ZNF136: variants seen among roughly 807,000 people sequenced by gnomAD.
ZNF136 encodes the protein zinc finger protein 136 (clone pHZ-20).
ZNF136 carries 8 observed loss-of-function variants against 11.4 expected under a neutral mutation model. The ratio of observed to expected loss-of-function variants is 0.70; its 90% CI spans 0.41 to 1.27. ZNF136 has a LOEUF of 1.27. ZNF136 is among the 50% of genes most tolerant of loss of function. The pLI is 0.01. For missense variants in ZNF136, 590 were observed against 656.5 expected (o/e 0.90, Z 1.11); for synonymous variants, 190 against 207.1 (o/e 0.92, Z 0.71).
At chr19:12,181,960 T>TG (rs1304648088) in intron 1 of ZNF136, among the ~76,000 whole-genome samples, 1 of 151,934 alleles carries the variant, frequency 6.6e-6, no homozygotes. Context: ...TTAGTAGAGA[T>TG]GGGGTCTCAC....
In ZNF136 at chr19:12,186,957, T is replaced by C; in HGVS notation, c.579T>C (p.Tyr193=). 1 of 1,614,092 alleles carries C rather than the reference T, an allele frequency of 6.2e-7. No homozygotes were observed. Among genetic ancestry groups the C allele is most frequent in the South Asian group, 1.1e-5 (1 of 91,078 alleles). Residue 193 remains tyrosine (Y), a synonymous_variant, in exon 4 of 4, where the codon TAT becomes TAC. Transcript: ENST00000343979. ...GACACATCATCACACACAGTGGATA[T>C]ACACCATATAAATGTAAGGTGTGTG... ...IRRHIITHSG[Y]TPYKCKVCGK...
In ZNF136 at chr19:12,187,405, A is replaced by G. The variant is rs200631502; in HGVS notation, c.1027A>G (p.Lys343Glu). ...EKPFVCKQCG[K>E]AFRSASTFQI... Reference sequence around the variant, plus strand: ...ACCCTTCGTATGTAAACAATGTGGTAAAGCCTTTAGATCTGCCAGTACCTT... The same window carrying G: ...ACCCTTCGTATGTAAACAATGTGGTGAAGCCTTTAGATCTGCCAGTACCTT... Residue 343 changes from lysine to glutamate, a missense_variant, in exon 4 of 4, where the codon AAA (lysine) becomes GAA (glutamate). Transcript: ENST00000343979. 1.2e-6 allele frequency: 2 copies of G among 1,614,110 alleles called. No homozygotes were observed. The highest frequency in any genetic ancestry group is 1.1e-5 in the South Asian group (1 of 91,078).
Position 12,163,109 on chromosome 19 carries a change from GCCCAGAGT to G in ZNF136, c.-94_-87del. On this transcript the variant is annotated 5_prime_UTR_variant, in exon 1 of 4. Transcript: ENST00000343979. ...TGGTTTCGCTTCGCTAGTCCCAGAG[GCCCAGAGT>G]GGCTCGCCTGGAGTCTCTGTGGCGC... is the stretch of plus-strand genomic sequence containing the variant. The G allele has an allele frequency of 7.5e-7, 1 of 1,334,372 alleles. No homozygotes were observed. Among genetic ancestry groups the G allele is most frequent in the Non-Finnish European group, 9.8e-7 (1 of 1,022,784 alleles). 82.7% of individuals were successfully genotyped at this position (1,334,372 alleles called of 1,614,324 possible). A position where few individuals can be genotyped will look rare whatever the true frequency, so the allele number is the denominator to read the frequency against.
chr19:12,168,401 G>C (rs901044533), intron 1 of ZNF136, among the ~76,000 whole-genome samples: 2 of 151,996 alleles, frequency 1.3e-5, no homozygotes, highest in Non-Finnish European at 2.9e-5. Flanking sequence ...CACAGTAAAG[G>C]GGGAGAGGCT....
At chr19:12,179,864 A>G (rs1444357214) in intron 1 of ZNF136, among the ~76,000 whole-genome samples, 1 of 151,888 alleles carries the variant, frequency 6.6e-6, no homozygotes, top group African/African-American at 2.4e-5. Context: ...AATTCTAACT[A>G]TTGATAATTT....
Position 12,179,316 on chromosome 19 carries a change from T to C in ZNF136, c.4-6469T>C, listed in dbSNP as rs1171409856. On this transcript the variant is annotated intron_variant, in intron 1 of 3. Transcript: ENST00000343979. Reference sequence around the variant, plus strand: ...TCAAAAGAATTTCTTTTTTTTTTTTTCTTTTTTTTTTGAGATGGAGTCTCA... The same window carrying C: ...TCAAAAGAATTTCTTTTTTTTTTTTCCTTTTTTTTTTGAGATGGAGTCTCA... Among the ~76,000 whole-genome samples the C allele has an allele frequency of 2.6e-5, 4 of 151,542 alleles. 1 individual carries two copies. In the South Asian group the frequency reaches 6.3e-4, roughly 24 times the overall value.
At chr19:12,180,847 C>T (rs950957142) in intron 1 of ZNF136, among the ~76,000 whole-genome samples, 2 of 152,186 alleles carry the variant, frequency 1.3e-5, no homozygotes, top group African/African-American at 4.8e-5. Context: ...TATCTGGAAC[C>T]TGGAGGAAGG....
chr19:12,167,570 AAAGAT>A (rs1225198072), intron 1 of ZNF136, among the ~76,000 whole-genome samples: 5 of 152,320 alleles, frequency 3.3e-5, no homozygotes, highest in Non-Finnish European at 5.9e-5. Flanking sequence ...AAAAAAAAGA[AAAGAT>A]AAGACCGGGT....
At chr19:12,163,274 T>A in intron 1 of ZNF136, 68 bp downstream of exon 1, 1 of 1,343,246 alleles carries the variant, frequency 7.4e-7, no homozygotes, top group Non-Finnish European at 9.6e-7. Flanking sequence ...GAACTGGCTG[T>A]GGCGCGGCCC....
rs958196675 is a variant in ZNF136, at chr19:12,189,292, A to G, written c.*1291A>G. On this transcript the variant is annotated 3_prime_UTR_variant, in exon 4 of 4. Coordinates refer to ENST00000343979, the MANE Select transcript of ZNF136 (RefSeq NM_003437.5). ...GTTCTTGATTCCCTTTCCACATTAT[A>G]TACATTCCATCATATTTATTGGAAC... 10 of 152,094 alleles carry G rather than the reference A, an allele frequency of 6.6e-5. No individual in the cohort carries two copies. The highest frequency in any genetic ancestry group is 2.4e-4 in the African/African-American group (10 of 41,422). 9.4% of individuals were successfully genotyped at this position (152,094 alleles called of 1,614,324 possible).
Position 12,187,651 on chromosome 19 carries a change from T to A in ZNF136, c.1273T>A (p.Cys425Ser). The A allele has an allele frequency of 6.2e-7, 1 of 1,614,114 alleles. No individual in the cohort carries two copies. Among genetic ancestry groups the A allele is most frequent in the Non-Finnish European group, 8.5e-7 (1 of 1,180,018 alleles). Residue 425 changes from cysteine to serine, a missense_variant, in exon 4 of 4, where the codon TGT becomes AGT. Coordinates refer to ENST00000343979, the MANE Select transcript of ZNF136 (RefSeq NM_003437.5). ...TGEKPYVCKH[C>S]GKAFVSSTSI... The stretch of plus-strand genomic sequence containing the variant: ...AGAGAAACCTTATGTATGTAAACAT[T>A]GTGGTAAAGCTTTCGTTTCTTCAAC...
chr19:12,170,608 C>T (rs1195971675), intron 1 of ZNF136, among the ~76,000 whole-genome samples: 1 of 151,740 alleles, frequency 6.6e-6, no homozygotes, highest in African/African-American at 2.4e-5. Context: ...GCACTCAAAC[C>T]CTTGGGCTCA....
At chr19:12,172,978 C>T (rs1184914811) in intron 1 of ZNF136, among the ~76,000 whole-genome samples, 1 of 152,092 alleles carries the variant, frequency 6.6e-6, no homozygotes, top group Non-Finnish European at 1.5e-5. Flanking sequence ...CGTCACTGCA[C>T]TCCAGCCTGG....
At chr19:12,170,144 G>T (rs1347509188) in intron 1 of ZNF136, among the ~76,000 whole-genome samples, 3 of 149,626 alleles carry the variant, frequency 2.0e-5, no homozygotes, top group Non-Finnish European at 4.5e-5. Flanking sequence ...TAGCCAGGGT[G>T]GTCTCAATCT....
chr19:12,169,587 G>A (rs1914585842), intron 1 of ZNF136, among the ~76,000 whole-genome samples: 1 of 149,118 alleles, frequency 6.7e-6, no homozygotes, highest in South Asian at 2.1e-4. Context: ...GTACCCAGAG[G>A]TGACCACAGT....
intron 1 of ZNF136, among the ~76,000 whole-genome samples, chr19:12,183,205 C>T (rs1914989032): frequency 6.6e-6 from 1 of 151,816 alleles, no homozygotes; most frequent in African/African-American, 2.4e-5. Context: ...AGTTCAGTGG[C>T]ACAATCACGT....
At chr19:12,186,085 T>C (rs754183578) in intron 2 of ZNF136, 29 bp from the exon 3 acceptor site, 1 of 1,601,762 alleles carries the variant, frequency 6.2e-7, no homozygotes, top group South Asian at 1.1e-5. Context: ...TTTGCACTAA[T>C]TCAGAATTTT....
rs1246960704 is a variant in ZNF136 at position 12,185,691 on chromosome 19, C to G, written c.4-94C>G. On this transcript the variant is annotated intron_variant, in intron 1 of 3. Transcript: ENST00000343979. ...AACAGTGGAGTAAATGTTTGCAGAC[C>G]CCTGAAACATGTGAACTTCTTATGA... 7 of 1,487,718 alleles carry G rather than the reference C, an allele frequency of 4.7e-6. No individual in the cohort carries two copies. The East Asian group carries it at 1.4e-4, about 29-fold the overall frequency. 92.2% of individuals were successfully genotyped at this position (1,487,718 alleles called of 1,614,324 possible).
chr19:12,185,859 G>A lies in ZNF136; in HGVS notation c.78G>A (p.Lys26=), dbSNP rs759932732. ...GGGCTTTGCTAGATCCTTCCCAGAA[G>A]AATCTCTACAGAGATGTGATGTGGG... ...EEWALLDPSQ[K]NLYRDVMWET... Residue 26 remains lysine (K), a synonymous_variant, in exon 2 of 4, where the codon AAG becomes AAA. Transcript: ENST00000343979. The A allele has an allele frequency of 6.2e-7, 1 of 1,614,046 alleles. No homozygotes were observed. Among genetic ancestry groups the A allele is most frequent in the Non-Finnish European group, 8.5e-7 (1 of 1,179,988 alleles).
Sources: gnomAD v4.1 joint callset for allele counts (sites outside exome capture counted in the v4.1 genomes callset) on GRCh38, gnomAD v4.1.1 for gene constraint, MANE v1.5 for transcripts, NCBI Gene and HGNC (gene_info 2026-07-23, HGNC 2026-07-21) for gene names.